L3MBTL4: variants seen among roughly 807,000 people sequenced by gnomAD.
L3MBTL4 encodes lethal(3)malignant brain tumor-like protein 4.
A neutral mutation model predicts 84.5 loss-of-function variants in L3MBTL4; 70 were observed. The observed-to-expected ratio is 0.83, with a 90% confidence interval of 0.68 to 1.01. The LOEUF is 1.01. Ranked by LOEUF, L3MBTL4 falls within the 50% of genes least tolerant of loss-of-function variation. The pLI is 0.00. For missense variants in L3MBTL4, 715 were observed against 754.8 expected, an observed-to-expected ratio of 0.95 and a Z score of 0.62; for synonymous variants, 274 against 259.8, an observed-to-expected ratio of 1.05 and a Z score of -0.52.
At chr18:6,322,722 T>C (rs1246883864) in intron 1 of L3MBTL4, among the ~76,000 whole-genome samples, 1 of 152,070 alleles carries the variant, frequency 6.6e-6, no homozygotes, top group African/African-American at 2.4e-5. Flanking sequence ...TGGAACTGAA[T>C]TATAGTTACC....
chr18:6,207,024 C>A (rs2145725290), intron 12 of L3MBTL4, among the ~76,000 whole-genome samples: 1 of 152,250 alleles, frequency 6.6e-6, no homozygotes, highest in South Asian at 2.1e-4. Flanking sequence ...CCAAAAAGAC[C>A]CTTATTACCA....
intron 10 of L3MBTL4, among the ~76,000 whole-genome samples, chr18:6,229,180 C>T (rs1053415331): frequency 2.6e-5 from 4 of 152,202 alleles, no homozygotes; most frequent in Admixed American, 1.3e-4. Flanking sequence ...TGTATGAACA[C>T]ATACTTGAGG....
chr18:6,218,195 C>A (rs943240458), intron 10 of L3MBTL4, among the ~76,000 whole-genome samples: 2 of 152,212 alleles, frequency 1.3e-5, no homozygotes, highest in African/African-American at 4.8e-5. Context: ...TAGAGGACTG[C>A]AGCCTCAAAC....
At chr18:6,036,262 C>T (rs1381782601) in intron 16 of L3MBTL4, among the ~76,000 whole-genome samples, 1 of 152,114 alleles carries the variant, frequency 6.6e-6, no homozygotes, top group African/African-American at 2.4e-5. Flanking sequence ...TTTAAACATT[C>T]TCTATACCCC....
intron 15 of L3MBTL4, among the ~76,000 whole-genome samples, chr18:6,087,973 A>G (rs1188867353): frequency 6.6e-6 from 1 of 152,252 alleles, no homozygotes; most frequent in Non-Finnish European, 1.5e-5. Flanking sequence ...GTATATGATG[A>G]AATCAATCAA....
intron 12 of L3MBTL4, among the ~76,000 whole-genome samples, chr18:6,174,402 G>C (rs2044126455): frequency 6.6e-6 from 1 of 152,062 alleles, no homozygotes; most frequent in Non-Finnish European, 1.5e-5. Context: ...GAGAGAAATG[G>C]AAACTATAAA....
chr18:6,315,050 A>AT (rs2051025237), intron 1 of L3MBTL4, among the ~76,000 whole-genome samples: 2 of 152,234 alleles, frequency 1.3e-5, no homozygotes, highest in East Asian at 3.8e-4. Flanking sequence ...ATAGGTAAGA[A>AT]ATATACATAA....
intron 13 of L3MBTL4, among the ~76,000 whole-genome samples, chr18:6,146,802 G>T (rs558814034): frequency 1.6e-3 from 247 of 152,258 alleles, no homozygotes; most frequent in African/African-American, 5.5e-3. Context: ...TTAAATGTGG[G>T]AAAAAGTCAT....
At position 6,138,231 on chromosome 18, in the gene L3MBTL4, C is replaced by T; in HGVS notation, c.1162G>A (p.Gly388Ser). 6.2e-7 allele frequency: 1 copy of T among 1,613,360 alleles called. No individual in the cohort carries two copies. ...GAATAACGTGGACCACGGATATGGC[C>T]TATTCCTCGGCACCCGGGAGTAGGA... ...VCPTPGCRGI[G>S]HIRGPRYSGH... is the part of the protein sequence containing the mutation. The change falls in exon 14 of 19, where the codon GGC becomes AGC. Residue 388 changes from glycine (G) to serine (S), a missense_variant. Physicochemically the swap from Gly to Ser is moderately conservative, Grantham distance 56. Transcript: ENST00000317931.
chr18:6,142,449 A>G (rs1185776638), intron 13 of L3MBTL4, among the ~76,000 whole-genome samples: 1 of 152,250 alleles, frequency 6.6e-6, no homozygotes, highest in Non-Finnish European at 1.5e-5. Context: ...AGCCTCAAAT[A>G]TATTTTCATT....
intron 10 of L3MBTL4, among the ~76,000 whole-genome samples, chr18:6,235,261 A>G (rs1222957528): frequency 6.6e-6 from 1 of 152,230 alleles, no homozygotes; most frequent in Non-Finnish European, 1.5e-5. Context: ...TGGCACATGT[A>G]TACATACGTA....
intron 13 of L3MBTL4, among the ~76,000 whole-genome samples, chr18:6,159,701 T>C (rs1381747596): frequency 1.3e-5 from 2 of 152,160 alleles, no homozygotes; most frequent in African/African-American, 2.4e-5. Flanking sequence ...GGCCACTCCA[T>C]ACCCCACCAG....
chr18:6,136,361 C>T (rs989563430), intron 14 of L3MBTL4, among the ~76,000 whole-genome samples: 10 of 152,184 alleles, frequency 6.6e-5, no homozygotes, highest in South Asian at 2.1e-4. Context: ...GGCCAATTCA[C>T]GCTGACTTCC....
chr18:5,975,425 C>A (rs560161893), intron 16 of L3MBTL4, among the ~76,000 whole-genome samples: 76 of 152,294 alleles, frequency 5.0e-4, no homozygotes, highest in Non-Finnish European at 1.0e-4. Context: ...AGTCACCGAC[C>A]AAGTCCCATC....
chr18:6,392,674 C>T (rs2055106371), intron 1 of L3MBTL4, among the ~76,000 whole-genome samples: 1 of 152,182 alleles, frequency 6.6e-6, no homozygotes, highest in Non-Finnish European at 1.5e-5. Context: ...AGACCTGAAA[C>T]CAAAAAATTC....
At chr18:6,072,454 AATT>A (rs1187708393) in intron 16 of L3MBTL4, among the ~76,000 whole-genome samples, 1 of 152,170 alleles carries the variant, frequency 6.6e-6, no homozygotes, top group Non-Finnish European at 1.5e-5. Context: ...TTTTGAATTA[AATT>A]ATTATGAAAT....
rs540172343 is a variant in L3MBTL4 at position 6,265,028 on chromosome 18, A to G, written c.128-990T>C. Among the ~76,000 whole-genome samples the G allele has an allele frequency of 2.0e-5, 3 of 152,362 alleles. 1 individual carries two copies. The South Asian group carries it at 6.2e-4, about 32-fold the overall frequency. The stretch of plus-strand genomic sequence containing the variant: ...GCTTTGTAGACAACTGTCTAAAGGC[A>G]GAGAAGGACTATGTAATGATATACT... On this transcript the variant is annotated intron_variant, in intron 4 of 18. Coordinates refer to ENST00000317931, the MANE Select transcript of L3MBTL4 (RefSeq NM_001330559.2).
chr18:6,266,006 T>C (rs2048616661), intron 4 of L3MBTL4, among the ~76,000 whole-genome samples: 1 of 152,330 alleles, frequency 6.6e-6, no homozygotes, highest in Non-Finnish European at 1.5e-5. Context: ...AGGTGACGGA[T>C]ATGTTAATTC....
intron 16 of L3MBTL4, among the ~76,000 whole-genome samples, chr18:6,071,253 T>C (rs576498803): frequency 3.9e-5 from 6 of 152,066 alleles, no homozygotes; most frequent in Non-Finnish European, 8.8e-5. Context: ...TAGCTGGGCA[T>C]GGTGGTACAC....
Sources: gnomAD v4.1 joint callset for allele counts (sites outside exome capture counted in the v4.1 genomes callset) on GRCh38, gnomAD v4.1.1 for gene constraint, MANE v1.5 for transcripts, NCBI Gene and HGNC (gene_info 2026-07-23, HGNC 2026-07-21) for gene names.